Variants in AKNA observed in about 807,000 individuals in gnomAD.
AKNA encodes AT-hook transcription factor, also known as microtubule organization protein AKNA.
AKNA carries 67 observed loss-of-function variants against 138.8 expected under a neutral mutation model. That is an observed-to-expected ratio of 0.48 (90% CI 0.40 to 0.59). AKNA has a LOEUF of 0.59. AKNA is among the 20% of genes least tolerant of loss of function. The pLI is 0.00. For missense variants in AKNA, 1,813 were observed against 1,880.4 expected, an observed-to-expected ratio of 0.96 and a Z score of 0.66; for synonymous variants, 737 against 754.4, an observed-to-expected ratio of 0.98 and a Z score of 0.38.
chr9:114,377,419 C>T lies in AKNA; in HGVS notation c.388G>A (p.Gly130Arg), dbSNP rs71505506. The change falls in exon 3 of 22, where the codon GGA (glycine) becomes AGA (arginine). Residue 130 changes from glycine (G) to arginine (R), a missense_variant. By Grantham distance (125) the Gly-to-Arg change is moderately radical (BLOSUM62 -2). Transcript: ENST00000374088. ...MTEEEPDGTL[G>R]SLEVEEAGES... ...CCAGCCTCCTCAACCTCCAGACTTC[C>T]GAGGGTCCCATCTGGCTCCTCTTCA... 36 of 1,613,780 alleles carry T rather than the reference C, an allele frequency of 2.2e-5. No individual in the cohort carries two copies. The highest frequency in any genetic ancestry group is 7.7e-5 in the South Asian group (7 of 91,062).
exon 1 of AKNA, chr9:114,394,404 G>GC (rs1237586010): frequency 6.6e-6 from 1 of 152,122 alleles, no homozygotes; most frequent in Non-Finnish European, 1.5e-5. Flanking sequence ...GTCTTCAGTT[G>GC]CCCCTCCTGT....
At chr9:114,397,482 T>C (rs1834568346), upstream of AKNA, among the ~76,000 whole-genome samples, 1 of 152,196 alleles carries the variant, frequency 6.6e-6, no homozygotes, top group South Asian at 2.1e-4. Flanking sequence ...TTCTCTCTGC[T>C]CCAACATAGC....
chr9:114,359,835 G>T, intron 10 of AKNA, 41 bp from the exon 11 acceptor site: 1 of 1,612,582 alleles, frequency 6.2e-7, no homozygotes, highest in Non-Finnish European at 8.5e-7. Flanking sequence ...TCTGCCCAGT[G>T]GGGGACAGCC....
upstream of AKNA, among the ~76,000 whole-genome samples, chr9:114,395,221 TCTC>T (rs978704935): frequency 1.1e-4 from 17 of 152,090 alleles, 1 homozygote; most frequent in African/African-American, 3.1e-4. Context: ...GACAGAGGCT[TCTC>T]CTTCCCTCAG....
intron 4 of AKNA, among the ~76,000 whole-genome samples, chr9:114,372,715 C>T (rs1352706625): frequency 6.6e-6 from 1 of 152,140 alleles, no homozygotes; most frequent in Non-Finnish European, 1.5e-5. Context: ...TCTCCTTGGA[C>T]CTACTTGGAG....
chr9:114,397,088 A>G (rs1040564161), upstream of AKNA, among the ~76,000 whole-genome samples: 6 of 152,158 alleles, frequency 3.9e-5, no homozygotes, highest in Admixed American at 6.5e-5. Flanking sequence ...AACAGCCCCA[A>G]TCACATGTTT....
Position 114,347,872 on chromosome 9 carries a change from C to T in AKNA, c.3250G>A (p.Val1084Met). ...TCCAGCCGCAGACGAAGCCGGGACA[C>T]CTCTTCTTGCAGCTCACAGATGGCC... ...DQAICELQEE[V>M]SRLRLRLEDS... The change falls in exon 16 of 22, where the codon GTG (valine) becomes ATG (methionine). Residue 1084 changes from valine to methionine, a missense_variant. Val to Met is a conservative substitution (Grantham distance 21). Transcript: ENST00000374088. The T allele has an allele frequency of 6.4e-7, 1 of 1,551,666 alleles. No homozygotes were observed. Among genetic ancestry groups the T allele is most frequent in the South Asian group, 1.2e-5 (1 of 83,932 alleles).
chr9:114,397,552 A>T (rs1834570329), upstream of AKNA, among the ~76,000 whole-genome samples: 1 of 152,208 alleles, frequency 6.6e-6, no homozygotes, highest in African/African-American at 2.4e-5. Context: ...CTTTAAACAT[A>T]GGTAATGATG....
intron 2 of AKNA, among the ~76,000 whole-genome samples, chr9:114,379,074 C>T (rs1422775313): frequency 2.0e-5 from 3 of 152,220 alleles, no homozygotes; most frequent in Non-Finnish European, 4.4e-5. Context: ...CCAAAGATCA[C>T]CCAGTGGTTC....
intron 14 of AKNA, among the ~76,000 whole-genome samples, chr9:114,353,326 G>A (rs947506967): frequency 4.6e-5 from 7 of 151,544 alleles, no homozygotes; most frequent in East Asian, 3.9e-4. Context: ...GTGAAGTGGC[G>A]CAATCTCAGC....
upstream of AKNA, among the ~76,000 whole-genome samples, chr9:114,388,647 T>A (rs1235101121): frequency 6.6e-6 from 1 of 152,150 alleles, no homozygotes; most frequent in East Asian, 1.9e-4. Context: ...TGGGAACAGA[T>A]CGATCCTGAT....
intron 19 of AKNA, 90 bp from the exon 20 acceptor site, chr9:114,342,215 C>A: frequency 1.1e-6 from 1 of 930,268 alleles, no homozygotes; most frequent in South Asian, 1.8e-5. Flanking sequence ...GCACTGAGCT[C>A]TCCTCGGGAC....
At chr9:114,369,113 T>C (rs376468269) in intron 4 of AKNA, among the ~76,000 whole-genome samples, 1 of 152,320 alleles carries the variant, frequency 6.6e-6, no homozygotes, top group South Asian at 2.1e-4. Flanking sequence ...AACCAGCAAG[T>C]AAACAAACTA....
intron 21 of AKNA, 91 bp downstream of exon 21, chr9:114,341,442 C>T: frequency 6.7e-7 from 1 of 1,483,198 alleles, no homozygotes; most frequent in Non-Finnish European, 9.3e-7. Flanking sequence ...GAGGAGTATA[C>T]TGCATCTCAG....
At chr9:114,397,369 T>G (rs560136913), upstream of AKNA, among the ~76,000 whole-genome samples, 1 of 152,216 alleles carries the variant, frequency 6.6e-6, no homozygotes, top group Non-Finnish European at 1.5e-5. Flanking sequence ...AGTCCCTGTA[T>G]GTATCTAACT....
rs1348935205 is a variant in AKNA at position 114,377,167 on chromosome 9, T to C, written c.640A>G (p.Ser214Gly). 4.3e-6 allele frequency: 7 copies of C among 1,614,070 alleles called. No homozygotes were observed. The highest frequency in any genetic ancestry group is 5.1e-6 in the Non-Finnish European group (6 of 1,180,028). ...TCTCCTTCCCAGGTAGAATCAAGGC[T>C]GTCACTAGGGTGGTCGAGGCTCACT... ...GTVSLDHPSD[S>G]LDSTWEGETD... is the part of the protein sequence containing the mutation. The change falls in exon 3 of 22, where the codon AGC becomes GGC. Residue 214 changes from serine (S) to glycine (G), a missense_variant. Coordinates refer to ENST00000374088, the MANE Select transcript of AKNA (RefSeq NM_001317950.2).
chr9:114,364,619 C>G lies in AKNA; in HGVS notation c.1729G>C (p.Val577Leu). Reference sequence around the variant, plus strand: ...TGTATCAGTCTTTCAAAGGACTCCACCTGGACATTGGGAGGGGAAGGAAAT... The same window carrying G: ...TGTATCAGTCTTTCAAAGGACTCCAGCTGGACATTGGGAGGGGAAGGAAAT... ...ASQASQFLAK[V>L]ESFERLIQAG... Residue 577 changes from valine (V) to leucine (L), a missense_variant and splice_region_variant, in exon 7 of 22, where the codon GTG (valine) becomes CTG (leucine). By Grantham distance (32) the Val-to-Leu change is conservative. Coordinates refer to ENST00000374088, the MANE Select transcript of AKNA (RefSeq NM_001317950.2). The G allele has an allele frequency of 6.2e-7, 1 of 1,613,962 alleles. No individual in the cohort carries two copies. Among genetic ancestry groups the G allele is most frequent in the Non-Finnish European group, 8.5e-7 (1 of 1,180,012 alleles).
At chr9:114,391,864 A>AAC (rs1834355816), upstream of AKNA, among the ~76,000 whole-genome samples, 1 of 149,564 alleles carries the variant, frequency 6.7e-6, no homozygotes, top group Admixed American at 6.7e-5. Flanking sequence ...AAAAAAAAAA[A>AAC]AAAAAAAAAA....
chr9:114,389,166 G>A (rs544858098), upstream of AKNA, among the ~76,000 whole-genome samples: 2 of 152,104 alleles, frequency 1.3e-5, no homozygotes, highest in African/African-American at 2.4e-5. Flanking sequence ...AGGCCAAGGT[G>A]GGGGAGCCAG....
Sources: gnomAD v4.1 joint callset for allele counts (sites outside exome capture counted in the v4.1 genomes callset) on GRCh38, gnomAD v4.1.1 for gene constraint, MANE v1.5 for transcripts, NCBI Gene and HGNC (gene_info 2026-07-23, HGNC 2026-07-21) for gene names.